ARHGAP6: variants seen among roughly 807,000 people sequenced by gnomAD.
ARHGAP6 encodes the protein rho GTPase-activating protein 6.
A neutral mutation model predicts 55.7 loss-of-function variants in ARHGAP6; 16 were observed. The ratio of observed to expected loss-of-function variants is 0.29; its 90% confidence interval spans 0.19 to 0.44. The LOEUF is 0.44. Among genes scored for constraint, ARHGAP6 ranks in the 20% least tolerant of loss-of-function variants. The probability of loss-of-function intolerance (pLI) is 1.00; values close to 1 mark genes in which losing one functional copy is unlikely to be tolerated. For missense variants in ARHGAP6, 698 were observed against 808.9 expected (o/e 0.86, Z 1.66); for synonymous variants, 382 against 360.9 (o/e 1.06, Z -0.66).
chrX:11,426,481 T>C lies in ARHGAP6; in HGVS notation c.589-171774A>G, dbSNP rs2049881514. Among the ~76,000 whole-genome samples the C allele has an allele frequency of 2.7e-5, 3 of 111,573 alleles. No individual in the cohort carries two copies. In the South Asian group the frequency reaches 1.1e-3, roughly 43 times the overall value. ...CAACTCTCTGCCTGCTTCTCTCCAA[T>C]TTTTAAAGTTGGCAGTCAGAACGTC... On this transcript the variant is annotated intron_variant, in intron 1 of 12. Transcript: ENST00000337414.
chrX:11,459,804 T>G (rs1273529975), intron 1 of ARHGAP6, among the ~76,000 whole-genome samples: 1 of 112,002 alleles, frequency 8.9e-6, no homozygotes, highest in East Asian at 2.8e-4. Context: ...GTATTTTGTC[T>G]TAACTCCCTT....
chrX:11,571,581 T>A (rs1217810747), intron 1 of ARHGAP6, among the ~76,000 whole-genome samples: 1 of 109,607 alleles, frequency 9.1e-6, no homozygotes, highest in Admixed American at 9.8e-5. Flanking sequence ...AAGGAAGAAG[T>A]CAAAGGCTGG....
intron 1 of ARHGAP6, among the ~76,000 whole-genome samples, chrX:11,491,475 C>G (rs767557190): frequency 9.3e-6 from 1 of 107,755 alleles, no homozygotes; most frequent in African/African-American, 3.4e-5. Context: ...CTGGTTTTTT[C>G]TTCTTGCGAT....
intron 1 of ARHGAP6, among the ~76,000 whole-genome samples, chrX:11,573,749 G>A (rs1403873015): frequency 7.2e-5 from 8 of 110,514 alleles, no homozygotes; most frequent in African/African-American, 2.6e-4. Flanking sequence ...TGATGGGGAT[G>A]GCATTGAATC....
chrX:11,428,671 G>A (rs751647303), intron 1 of ARHGAP6, among the ~76,000 whole-genome samples: 1 of 111,734 alleles, frequency 8.9e-6, no homozygotes, highest in African/African-American at 3.3e-5. Context: ...GTACTGAACC[G>A]GCTGAATGAC....
chrX:11,547,269 T>A (rs932413598), intron 1 of ARHGAP6, among the ~76,000 whole-genome samples: 3 of 112,089 alleles, frequency 2.7e-5, no homozygotes, highest in Non-Finnish European at 3.8e-5. Flanking sequence ...AACTGAAAAG[T>A]AGTTTGAGAA....
intron 1 of ARHGAP6, chrX:11,367,881 T>G: frequency 1.7e-6 from 1 of 598,794 alleles, no homozygotes; most frequent in Non-Finnish European, 2.0e-6. Context: ...AGCAACAAGG[T>G]CAATTCTTGC....
intron 1 of ARHGAP6, among the ~76,000 whole-genome samples, chrX:11,394,166 C>T (rs925985984): frequency 1.8e-5 from 2 of 111,838 alleles, no homozygotes; most frequent in Non-Finnish European, 3.8e-5. Context: ...CATTATTTGT[C>T]CTACACCAAC....
intron 1 of ARHGAP6, among the ~76,000 whole-genome samples, chrX:11,412,118 T>C (rs2049695821): frequency 8.9e-6 from 1 of 112,049 alleles, no homozygotes; most frequent in Admixed American, 9.5e-5. Context: ...TTGTGATGTT[T>C]AAAATTTTTA....
intron 1 of ARHGAP6, among the ~76,000 whole-genome samples, chrX:11,350,154 A>G (rs2048842900): frequency 9.0e-6 from 1 of 111,648 alleles, no homozygotes; most frequent in Non-Finnish European, 1.9e-5. Context: ...TAGAAAATGA[A>G]AACATTGGAC....
At chrX:11,253,245 G>A (rs1217223194) in intron 2 of ARHGAP6, among the ~76,000 whole-genome samples, 1 of 110,955 alleles carries the variant, frequency 9.0e-6, no homozygotes, top group Non-Finnish European at 1.9e-5. Flanking sequence ...GATGTCCCCA[G>A]GGCATGGGGA....
At chrX:11,147,730 A>G in intron 10 of ARHGAP6, among the ~76,000 whole-genome samples, 1 of 112,880 alleles carries the variant, frequency 8.9e-6, no homozygotes, top group East Asian at 2.7e-4. Context: ...AAATCAAAAA[A>G]CAAATTCTTA....
chrX:11,152,558 C>A, intron 10 of ARHGAP6, among the ~76,000 whole-genome samples: 1 of 111,531 alleles, frequency 9.0e-6, no homozygotes, highest in African/African-American at 3.3e-5. Flanking sequence ...TGCAAGCTCC[C>A]CAAATATCCA....
chrX:11,180,715 T>C (rs777381217), intron 6 of ARHGAP6, among the ~76,000 whole-genome samples: 13 of 112,098 alleles, frequency 1.2e-4, no homozygotes, highest in South Asian at 7.6e-4. Flanking sequence ...GATGAGTAAT[T>C]TCTGGCACTC....
In ARHGAP6 at chrX:11,583,330, G is replaced by A. The variant is rs190021031; in HGVS notation, c.588+80911C>T. Among the ~76,000 whole-genome samples, 3 of 112,241 alleles carry A rather than the reference G, an allele frequency of 2.7e-5. No individual in the cohort carries two copies. In the East Asian group the frequency reaches 8.4e-4, roughly 31 times the overall value. On this transcript the variant is annotated intron_variant, in intron 1 of 12. Coordinates refer to ENST00000337414, the MANE Select transcript of ARHGAP6 (RefSeq NM_013427.3). ...TCAGAAAAGAGTTTTGACAGTAGGTGATGCTTGTTGTCACTTAGCAGAACT... is the reference window on the plus strand; with the variant it reads ...TCAGAAAAGAGTTTTGACAGTAGGTAATGCTTGTTGTCACTTAGCAGAACT...
chrX:11,176,264 T>TATATATATA (rs2046216097), intron 8 of ARHGAP6, among the ~76,000 whole-genome samples: 1 of 67,011 alleles, frequency 1.5e-5, no homozygotes, highest in Non-Finnish European at 2.8e-5. Flanking sequence ...TATATATATA[T>TATATATATA]TTGCATATAT....
intron 1 of ARHGAP6, among the ~76,000 whole-genome samples, chrX:11,571,817 G>C (rs1378377719): frequency 1.8e-5 from 2 of 109,784 alleles, no homozygotes; most frequent in African/African-American, 6.6e-5. Flanking sequence ...GAGCCTTTGA[G>C]GTTGAGGCTG....
intron 1 of ARHGAP6, among the ~76,000 whole-genome samples, chrX:11,420,489 C>T (rs899069058): frequency 9.0e-6 from 1 of 111,312 alleles, no homozygotes; most frequent in African/African-American, 3.3e-5. Flanking sequence ...CTAAAACAGA[C>T]CATGCTAATG....
intron 10 of ARHGAP6, among the ~76,000 whole-genome samples, chrX:11,155,873 A>G (rs945415162): frequency 1.8e-5 from 2 of 112,386 alleles, no homozygotes; most frequent in East Asian, 2.8e-4. Flanking sequence ...ATTGGAAGTA[A>G]CCATAAAATC....
Sources: gnomAD v4.1 joint callset for allele counts (sites outside exome capture counted in the v4.1 genomes callset) on GRCh38, gnomAD v4.1.1 for gene constraint, MANE v1.5 for transcripts, NCBI Gene and HGNC (gene_info 2026-07-23, HGNC 2026-07-21) for gene names.